Variants in SYNCRIP observed in about 807,000 individuals in gnomAD.
SYNCRIP encodes the protein heterogeneous nuclear ribonucleoprotein Q.
In SYNCRIP, 9 loss-of-function variants were observed where a neutral mutation model predicts 68.9. That is an observed-to-expected ratio of 0.13 (90% CI 0.08 to 0.23). The LOEUF is 0.23. Ranked by LOEUF, SYNCRIP falls within the 10% of genes least tolerant of loss-of-function variation. SYNCRIP has a pLI of 1.00. For missense variants in SYNCRIP, 414 were observed against 770.6 expected (o/e 0.54, Z 5.48); for synonymous variants, 258 against 254.0 (o/e 1.02, Z -0.15).
intron 6 of SYNCRIP, among the ~76,000 whole-genome samples, chr6:85,630,832 A>G (rs1807686762): frequency 6.6e-6 from 1 of 152,246 alleles, no homozygotes; most frequent in Non-Finnish European, 1.5e-5. Flanking sequence ...TACATATTCT[A>G]ATGGGAAAAG....
Position 85,637,126 on chromosome 6 carries a change from G to A in SYNCRIP, c.507C>T (p.Ile169=). 6.2e-7 allele frequency: 1 copy of A among 1,610,232 alleles called. No homozygotes were observed. Among genetic ancestry groups the A allele is most frequent in the South Asian group, 1.1e-5 (1 of 89,890 alleles). ...GTTCATCCTCAAATAGATCTCTTGG[G>A]ATCTTTCCCACAAATATCTGTAAAT... ...SVGTEIFVGK[I]PRDLFEDELV... is the part of the protein sequence containing the mutation. Residue 169 remains isoleucine (I), a synonymous_variant, in exon 6 of 11, where the codon ATC becomes ATT. Transcript: ENST00000369622.
chr6:85,615,797 G>A (rs914863269), intron 10 of SYNCRIP, among the ~76,000 whole-genome samples: 20 of 152,118 alleles, frequency 1.3e-4, no homozygotes, highest in South Asian at 1.0e-3. Flanking sequence ...GTGACAGAGC[G>A]AGACTCTGAC....
chr6:85,630,325 C>T (rs766575863), intron 6 of SYNCRIP, among the ~76,000 whole-genome samples: 2 of 152,232 alleles, frequency 1.3e-5, no homozygotes, highest in Non-Finnish European at 2.9e-5. Flanking sequence ...CGTGCCACTG[C>T]ACTCCAGCCT....
chr6:85,623,562 CAAAAAAAAA>C (rs67258131), intron 7 of SYNCRIP, among the ~76,000 whole-genome samples: 5 of 63,240 alleles, frequency 7.9e-5, no homozygotes, highest in Admixed American at 4.0e-4. Flanking sequence ...AGACTGTCTC[CAAAAAAAAA>C]AAAAAAAAAA....
chr6:85,633,446 T>C (rs1211102009), intron 6 of SYNCRIP, among the ~76,000 whole-genome samples: 1 of 151,046 alleles, frequency 6.6e-6, no homozygotes, highest in East Asian at 2.0e-4. Context: ...CAAAAATCAG[T>C]AGGGCATGGT....
intron 6 of SYNCRIP, among the ~76,000 whole-genome samples, chr6:85,627,160 CG>C (rs1174329363): frequency 6.7e-6 from 1 of 150,132 alleles, no homozygotes; most frequent in Non-Finnish European, 1.5e-5. Flanking sequence ...CCCAGCTACT[CG>C]GGAGGCTGAG....
chr6:85,630,090 T>C (rs951634641), intron 6 of SYNCRIP, among the ~76,000 whole-genome samples: 5 of 151,654 alleles, frequency 3.3e-5, no homozygotes, highest in African/African-American at 1.2e-4. Context: ...GGCCGGGCAC[T>C]GTGGCTCACG....
At chr6:85,628,100 G>A (rs942031414) in intron 6 of SYNCRIP, among the ~76,000 whole-genome samples, 5 of 151,986 alleles carry the variant, frequency 3.3e-5, no homozygotes, top group African/African-American at 4.8e-5. Flanking sequence ...CTGACACCCA[G>A]GATGGAGTAC....
At chr6:85,612,894 G>A, downstream of SYNCRIP, 1 of 1,550,858 alleles carries the variant, frequency 6.4e-7, no homozygotes, top group Non-Finnish European at 8.7e-7. Context: ...ATTGTAACAG[G>A]TCAGGACCGG....
At chr6:85,637,550 T>C (rs1808600826) in intron 4 of SYNCRIP, among the ~76,000 whole-genome samples, 194 bp from the exon 5 acceptor site, 1 of 152,234 alleles carries the variant, frequency 6.6e-6, no homozygotes, top group African/African-American at 2.4e-5. Flanking sequence ...TTATCAGAAG[T>C]CCAGGGTCCT....
chr6:85,618,513 C>A (rs183207755), intron 10 of SYNCRIP, among the ~76,000 whole-genome samples: 2 of 152,062 alleles, frequency 1.3e-5, no homozygotes, highest in African/African-American at 4.8e-5. Context: ...TGCACTCCAG[C>A]CTGAGTGACA....
At chr6:85,633,459 T>C (rs1025489016) in intron 6 of SYNCRIP, among the ~76,000 whole-genome samples, 5 of 151,628 alleles carry the variant, frequency 3.3e-5, no homozygotes, top group African/African-American at 1.2e-4. Flanking sequence ...GGCATGGTGG[T>C]GTGCACCTGT....
intron 6 of SYNCRIP, among the ~76,000 whole-genome samples, chr6:85,632,770 C>A (rs1807952192): frequency 6.6e-6 from 1 of 151,800 alleles, no homozygotes; most frequent in Non-Finnish European, 1.5e-5. Flanking sequence ...AGTGAGACAC[C>A]ACCTCTACAA....
chr6:85,634,986 A>G (rs891901645), intron 6 of SYNCRIP, among the ~76,000 whole-genome samples: 4 of 152,132 alleles, frequency 2.6e-5, no homozygotes, highest in South Asian at 2.1e-4. Context: ...CCTGGCCAAC[A>G]TAACCCCATC....
chr6:85,635,377 G>A (rs1348150635), intron 6 of SYNCRIP, among the ~76,000 whole-genome samples: 2 of 152,088 alleles, frequency 1.3e-5, no homozygotes, highest in Non-Finnish European at 2.9e-5. Context: ...AATTCTCTTT[G>A]TAAAGGCTTA....
chr6:85,624,429 C>CAT (rs1317450303), intron 6 of SYNCRIP, among the ~76,000 whole-genome samples: 4 of 152,174 alleles, frequency 2.6e-5, no homozygotes, highest in African/African-American at 9.7e-5. Context: ...CAGTTATTCT[C>CAT]ATACAAGGAA....
intron 4 of SYNCRIP, 39 bp from the exon 5 acceptor site, chr6:85,637,395 T>C (rs1185447327): frequency 7.8e-7 from 1 of 1,282,460 alleles, no homozygotes; most frequent in Non-Finnish European, 1.1e-6. Flanking sequence ...TTTAATTCAC[T>C]AGACCACACC....
intron 2 of SYNCRIP, 78 bp from the exon 3 acceptor site, chr6:85,640,642 T>G (rs1049496845): frequency 2.5e-6 from 2 of 806,222 alleles, no homozygotes; most frequent in Non-Finnish European, 1.9e-6. Context: ...GCAATACAGG[T>G]ACATGTGTGC....
intron 4 of SYNCRIP, among the ~76,000 whole-genome samples, chr6:85,638,709 A>G (rs1208850662): frequency 2.6e-5 from 4 of 152,360 alleles, no homozygotes; most frequent in Admixed American, 6.5e-5. Context: ...GCTCACATCT[A>G]TAACATAAAC....
Sources: gnomAD v4.1 joint callset for allele counts (sites outside exome capture counted in the v4.1 genomes callset) on GRCh38, gnomAD v4.1.1 for gene constraint, MANE v1.5 for transcripts, NCBI Gene and HGNC (gene_info 2026-07-23, HGNC 2026-07-21) for gene names.